The following RIMBP2 variants were observed in gnomAD, a reference collection of about 807,000 sequenced individuals.
RIMBP2 encodes RIMS-binding protein 2.
In RIMBP2, 48 loss-of-function variants were observed where a neutral mutation model predicts 118.6. That is an observed-to-expected ratio of 0.40 (90% confidence interval 0.32 to 0.51). The LOEUF is 0.51. Ranked by LOEUF, RIMBP2 falls within the 20% of genes least tolerant of loss-of-function variation. The pLI is 0.41. For synonymous variants in RIMBP2, 762 were observed against 742.9 expected (o/e 1.03, Z -0.42); for missense variants, 1,551 against 1,768.3 (o/e 0.88, Z 2.20).
At position 130,588,935 on chromosome 12, in the gene RIMBP2, T is replaced by C. The variant is rs533523339; in HGVS notation, c.-217+39387A>G. 2.0e-5 allele frequency among the ~76,000 whole-genome samples: 3 copies of C among 152,326 alleles called. No homozygotes were observed. The East Asian group carries it at 5.8e-4, about 29-fold the overall frequency. On this transcript the variant is annotated intron_variant, in intron 2 of 22. Coordinates refer to ENST00000690449, the MANE Select transcript of RIMBP2 (RefSeq NM_001393629.1). Reference sequence around the variant, plus strand: ...TGGTAGCTGCAAGCCCCACGGGGGATTTGCAAAGATGGAATCAGGAATTCC... The same window carrying C: ...TGGTAGCTGCAAGCCCCACGGGGGACTTGCAAAGATGGAATCAGGAATTCC...
At chr12:130,714,696 AC>A (rs1406429557) in intron 1 of RIMBP2, among the ~76,000 whole-genome samples, 1 of 150,462 alleles carries the variant, frequency 6.6e-6, no homozygotes, top group Non-Finnish European at 1.5e-5. Flanking sequence ...ACGCCCCACC[AC>A]CCCCCACTGC....
chr12:130,576,819 G>A lies in RIMBP2; in HGVS notation c.-217+51503C>T, dbSNP rs1470739482. Among the ~76,000 whole-genome samples, 1 of 152,230 alleles carries A rather than the reference G, an allele frequency of 6.6e-6. No homozygotes were observed. The highest frequency in any genetic ancestry group is 2.4e-5 in the African/African-American group (1 of 41,466). ...ACCAGGATGGAGATTGCAGGATGGCGTGTTTCCATCGCGTGTCCAGGCGCA... is the reference window on the plus strand; with the variant it reads ...ACCAGGATGGAGATTGCAGGATGGCATGTTTCCATCGCGTGTCCAGGCGCA... On this transcript the variant is annotated intron_variant, in intron 2 of 22. Coordinates refer to ENST00000690449, the MANE Select transcript of RIMBP2 (RefSeq NM_001393629.1). The surrounding 1 kb of genome is among the most constrained non-coding windows in gnomAD (Gnocchi z 4.2).
chr12:130,613,860 A>G (rs1350302271), intron 2 of RIMBP2, among the ~76,000 whole-genome samples: 1 of 150,504 alleles, frequency 6.6e-6, no homozygotes, highest in East Asian at 1.9e-4. Context: ...GACAGCTCTC[A>G]TCGGCCTTTT....
chr12:130,680,832 G>A (rs990322760), intron 1 of RIMBP2, among the ~76,000 whole-genome samples: 11 of 152,206 alleles, frequency 7.2e-5, no homozygotes, highest in Admixed American at 3.9e-4. Context: ...AGAGGAGATC[G>A]GGGTGGGAGG....
chr12:130,412,912 A>G (rs558166148), intron 18 of RIMBP2, 125 bp from the exon 19 acceptor site: 1 of 906,978 alleles, frequency 1.1e-6, no homozygotes, highest in African/African-American at 1.7e-5. Context: ...AATACCATAA[A>G]TCACCTGCAT....
intron 2 of RIMBP2, among the ~76,000 whole-genome samples, chr12:130,528,248 T>G (rs1199402873): frequency 6.6e-6 from 1 of 152,174 alleles, no homozygotes; most frequent in Non-Finnish European, 1.5e-5. Context: ...GTATACACCA[T>G]GGAATACTAT....
chr12:130,704,808 C>T (rs931382312), intron 1 of RIMBP2, among the ~76,000 whole-genome samples: 2 of 152,154 alleles, frequency 1.3e-5, no homozygotes, highest in Non-Finnish European at 2.9e-5. Flanking sequence ...GCTCCACCAC[C>T]AGGGTCACCG....
In RIMBP2 at chr12:130,450,101, G is replaced by T. The variant is rs2078869662; in HGVS notation, c.581+99C>A. The T allele has an allele frequency of 3.9e-6, 3 of 769,176 alleles. No individual in the cohort carries two copies. The highest frequency in any genetic ancestry group is 1.8e-5 in the African/African-American group (1 of 56,858). 47.6% of individuals were successfully genotyped at this position (769,176 alleles called of 1,614,324 possible). ...AAATCCCACCTTCTCCTCGTGCCCT[G>T]GGAGAAGGGAACTTCTCAGACCCCA... On this transcript the variant is annotated intron_variant, in intron 9 of 22. Coordinates refer to ENST00000690449, the MANE Select transcript of RIMBP2 (RefSeq NM_001393629.1). The surrounding 1 kb of genome is among the most constrained non-coding windows in gnomAD (Gnocchi z 4.8).
chr12:130,519,406 G>T (rs185225992), intron 2 of RIMBP2, among the ~76,000 whole-genome samples: 2 of 152,322 alleles, frequency 1.3e-5, no homozygotes, highest in Non-Finnish European at 2.9e-5. Context: ...AAAAGACGGT[G>T]GTGCTTTGTT....
At chr12:130,480,596 T>C (rs1593462020) in intron 4 of RIMBP2, among the ~76,000 whole-genome samples, 1 of 152,190 alleles carries the variant, frequency 6.6e-6, no homozygotes, top group Admixed American at 6.5e-5. Context: ...CTTTTACTCA[T>C]TTTTATTTAT....
chr12:130,456,726 G>A (rs746431669), intron 6 of RIMBP2, 26 bp from the exon 7 acceptor site: 3 of 1,562,542 alleles, frequency 1.9e-6, no homozygotes, highest in Non-Finnish European at 2.6e-6. Flanking sequence ...AGGACAGGGG[G>A]TCAGCGGTGG....
In RIMBP2 at chr12:130,621,478, C is replaced by G. The variant is rs1053031341; in HGVS notation, c.-217+6844G>C. On this transcript the variant is annotated intron_variant, in intron 2 of 22. Coordinates refer to ENST00000690449, the MANE Select transcript of RIMBP2 (RefSeq NM_001393629.1). The surrounding 1 kb of genome is among the most constrained non-coding windows in gnomAD (Gnocchi z 6.6). ...GCCGTTCCTGAAGCTAGAATCTCCT[C>G]TCTTCAATTACACCTGTCAAGAGCT... 1.7e-4 allele frequency among the ~76,000 whole-genome samples: 26 copies of G among 152,202 alleles called. No individual in the cohort carries two copies. The highest frequency in any genetic ancestry group is 6.0e-4 in the African/African-American group (25 of 41,454).
At chr12:130,508,995 G>A (rs942304182) in intron 3 of RIMBP2, among the ~76,000 whole-genome samples, 4 of 152,200 alleles carry the variant, frequency 2.6e-5, no homozygotes, top group African/African-American at 9.6e-5. Context: ...TTCTAATCAG[G>A]CTTGCCCAGT....
At chr12:130,427,062 A>G (rs185389505) in intron 15 of RIMBP2, 1 of 152,386 alleles carries the variant, frequency 6.6e-6, no homozygotes, top group East Asian at 1.9e-4. Flanking sequence ...GGGATCTGGC[A>G]TGTTCTTTGG....
chr12:130,500,719 G>C (rs1029053397), intron 4 of RIMBP2, among the ~76,000 whole-genome samples: 1 of 152,088 alleles, frequency 6.6e-6, no homozygotes, highest in Non-Finnish European at 1.5e-5. Flanking sequence ...AACACAGGAC[G>C]GGCAGTCTTA....
chr12:130,614,154 C>CG (rs2060752347), intron 2 of RIMBP2, among the ~76,000 whole-genome samples: 3 of 152,160 alleles, frequency 2.0e-5, no homozygotes, highest in African/African-American at 7.2e-5. Context: ...CACAGTTGCA[C>CG]GTATACTATG....
At chr12:130,599,893 G>A (rs1289074368) in intron 2 of RIMBP2, among the ~76,000 whole-genome samples, 2 of 152,142 alleles carry the variant, frequency 1.3e-5, no homozygotes, top group Non-Finnish European at 2.9e-5. Flanking sequence ...GCACTGCTGA[G>A]GGTAAACCTG....
chr12:130,650,960 A>T (rs1234116009), intron 1 of RIMBP2, among the ~76,000 whole-genome samples: 1,691 of 134,746 alleles, frequency 0.013, 41 homozygotes, highest in African/African-American at 0.045. Context: ...GTTTTTTTTA[A>T]AAAAAAAAAA....
At position 130,424,713 on chromosome 12, in the gene RIMBP2, G is replaced by A; in HGVS notation, c.2558C>T (p.Ala853Val). ...ECCGLLHKQG[A>V]GPSPRARTGL... ...CGTCCTGGCCCTGGGGGACGGCCCT[G>A]CACCCTGCTTGTGTAGCAGCCCACA... is the stretch of plus-strand genomic sequence containing the variant. Residue 853 changes from alanine to valine, a missense_variant, in exon 16 of 23, where the codon GCA (alanine) becomes GTA (valine). Ala to Val is a moderately conservative substitution (Grantham distance 64). Transcript: ENST00000690449. The surrounding 1 kb of genome is among the most constrained non-coding windows in gnomAD (Gnocchi z 9.8). 1.6e-6 allele frequency: 2 copies of A among 1,232,258 alleles called. No individual in the cohort carries two copies. The highest frequency in any genetic ancestry group is 2.0e-6 in the Non-Finnish European group (2 of 988,062). 76.3% of individuals were successfully genotyped at this position (1,232,258 alleles called of 1,614,324 possible).
Sources: gnomAD v4.1 joint callset for allele counts (sites outside exome capture counted in the v4.1 genomes callset) on GRCh38, gnomAD v4.1.1 for gene constraint, Gnocchi (gnomAD v3.1) non-coding constraint, MANE v1.5 for transcripts, NCBI Gene and HGNC (gene_info 2026-07-23, HGNC 2026-07-21) for gene names.